Variants in RUVBL1 observed in about 807,000 individuals in gnomAD.
The protein encoded by RUVBL1 is ruvB-like 1.
A neutral mutation model predicts 52.4 loss-of-function variants in RUVBL1; 4 were observed. The observed-to-expected ratio is 0.08, with a 90% CI of 0.04 to 0.17. The LOEUF (loss-of-function observed/expected upper bound fraction) is 0.17. Ranked by LOEUF, RUVBL1 falls within the 10% of genes least tolerant of loss-of-function variation. The pLI is 1.00. For missense variants in RUVBL1, 298 were observed against 572.8 expected (o/e 0.52, Z 4.90); for synonymous variants, 217 against 214.4 (o/e 1.01, Z -0.10).
chr3:128,122,034 T>C (rs1430333745), intron 1 of RUVBL1, among the ~76,000 whole-genome samples: 3 of 152,178 alleles, frequency 2.0e-5, no homozygotes, highest in Admixed American at 6.5e-5. Flanking sequence ...GTAGCTGAGG[T>C]GGGTCTTAGG....
Position 128,082,465 on chromosome 3 carries a change from C to T in RUVBL1, c.1211+18G>A. ...GCTGTGCTGGGGAGGCCCCGGCGGGCCCAGGGTACCAGCTCACCTCAGTGT... is the reference window on the plus strand; with the variant it reads ...GCTGTGCTGGGGAGGCCCCGGCGGGTCCAGGGTACCAGCTCACCTCAGTGT... On this transcript the variant is annotated intron_variant, in intron 10 of 10. Transcript: ENST00000322623. The surrounding 1 kb of genome is among the most constrained non-coding windows in gnomAD (Gnocchi z 4.7). The T allele has an allele frequency of 6.2e-7, 1 of 1,606,202 alleles. No individual in the cohort carries two copies. Among genetic ancestry groups the T allele is most frequent in the Non-Finnish European group, 8.5e-7 (1 of 1,173,534 alleles).
At chr3:128,128,356 C>G (rs781672988), upstream of RUVBL1, among the ~76,000 whole-genome samples, 5 of 152,152 alleles carry the variant, frequency 3.3e-5, no homozygotes, top group African/African-American at 7.2e-5. Context: ...AACAGTGGAT[C>G]AAACAAGAGA....
At position 128,067,288 on chromosome 3, in the gene RUVBL1, T is replaced by C. The variant is rs1317003679; in HGVS notation, c.940-2068A>G. On this transcript the variant is annotated intron_variant, in intron 9 of 9. Coordinates refer to the RUVBL1 transcript ENST00000464873. This position sits in a 1 kb window ranked among gnomAD's most constrained non-coding sequence, Gnocchi z 4.1. Reference sequence around the variant, plus strand: ...TTTACAAATTCAGCACATTAAATTATCTTTTCAGTAAAAAAATTGTACTGT... The same window carrying C: ...TTTACAAATTCAGCACATTAAATTACCTTTTCAGTAAAAAAATTGTACTGT... 5.4e-6 allele frequency: 7 copies of C among 1,287,878 alleles called. No individual in the cohort carries two copies. The highest frequency in any genetic ancestry group is 6.5e-6 in the Non-Finnish European group (6 of 920,252). The allele number at this position is 1,287,878 out of a possible 1,614,324, so 79.8% of individuals were successfully genotyped here. A position where few individuals can be genotyped will look rare whatever the true frequency, so the allele number is the denominator to read the frequency against.
In RUVBL1 at chr3:128,100,573, C is replaced by A. The variant is rs1285009349; in HGVS notation, c.753+22G>T. On this transcript the variant is annotated intron_variant, in intron 6 of 10. Coordinates refer to ENST00000322623, the MANE Select transcript of RUVBL1 (RefSeq NM_003707.3). ...ATACAAAAGGGCTAATGTGCCAGAT[C>A]ACCCAGGCATCGAGGCAGTACCTGG... The A allele has an allele frequency of 2.5e-6, 4 of 1,571,928 alleles. No homozygotes were observed. The East Asian group carries it at 6.9e-5, about 27-fold the overall frequency.
chr3:128,153,105 GTTACAGAGCACTGATTGGTGCGTT>G (rs1944277480), intron 1 of RUVBL1: 6 of 526,042 alleles, frequency 1.1e-5, no homozygotes, highest in Non-Finnish European at 1.2e-5. Context: ...ATTGGTGCAT[GTTACAGAGCACTGATTGGTGCGTT>G]TTACAGAGCG....
intron 1 of RUVBL1, among the ~76,000 whole-genome samples, chr3:128,153,012 G>GC (rs1158538071): frequency 5.8e-5 from 4 of 68,462 alleles, no homozygotes; most frequent in East Asian, 6.9e-4. Flanking sequence ...GCCCCCCTTC[G>GC]CCCCCCCATG....
In RUVBL1 at chr3:128,066,915, G is replaced by A. The variant is rs79401806; in HGVS notation, c.940-1695C>T. On this transcript the variant is annotated intron_variant, in intron 9 of 9. Coordinates refer to the RUVBL1 transcript ENST00000464873. Reference sequence around the variant, plus strand: ...GTGTTTCTGTGCAGCAGGCTGAAATGAGGCAGTGAAGGGGATTTGGTTCTG... The same window carrying A: ...GTGTTTCTGTGCAGCAGGCTGAAATAAGGCAGTGAAGGGGATTTGGTTCTG... The A allele has an allele frequency of 4.9e-5, 78 of 1,603,938 alleles. No homozygotes were observed. The African/African-American group carries it at 6.9e-4, about 14-fold the overall frequency.
chr3:128,123,861 C>T (rs960259488), upstream of RUVBL1: 56 of 1,344,380 alleles, frequency 4.2e-5, no homozygotes, highest in Non-Finnish European at 4.6e-5. Flanking sequence ...TTGGTGGAAG[C>T]GGGAACACCT....
chr3:128,102,706 TAGG>T (rs1418656140), intron 4 of RUVBL1, among the ~76,000 whole-genome samples: 2 of 152,218 alleles, frequency 1.3e-5, no homozygotes, highest in African/African-American at 4.8e-5. Flanking sequence ...TGTAAATGAG[TAGG>T]AGGATTCTTT....
intron 9 of RUVBL1, chr3:128,066,569 C>G: frequency 4.8e-6 from 1 of 210,088 alleles, no homozygotes; most frequent in South Asian, 8.6e-5. Context: ...ACTACAGGCG[C>G]GCACCACCAC....
chr3:128,133,299 C>T (rs768656100), intron 1 of RUVBL1, among the ~76,000 whole-genome samples: 9 of 152,210 alleles, frequency 5.9e-5, no homozygotes, highest in African/African-American at 9.6e-5. Flanking sequence ...CTGGACCTGC[C>T]GTGGGCTGGG....
intron 2 of RUVBL1, among the ~76,000 whole-genome samples, chr3:128,118,415 T>C (rs1425579692): frequency 6.6e-6 from 1 of 152,212 alleles, no homozygotes; most frequent in African/African-American, 2.4e-5. Context: ...TTGAAATAGG[T>C]AGAGTATGCT....
exon 1 of RUVBL1, chr3:128,153,295 C>G (rs1944282864): frequency 7.4e-7 from 1 of 1,358,408 alleles, no homozygotes; most frequent in Non-Finnish European, 9.4e-7. Flanking sequence ...GAGAGAGAAA[C>G]CCTGCCTACG....
intron 9 of RUVBL1, among the ~76,000 whole-genome samples, chr3:128,073,933 T>TC (rs1412103511): frequency 6.6e-6 from 1 of 152,186 alleles, no homozygotes. Context: ...TAGAAGAATC[T>TC]CCAAGATATG....
intron 1 of RUVBL1, among the ~76,000 whole-genome samples, chr3:128,128,832 C>T (rs55762931): frequency 0.16 from 24,012 of 152,142 alleles, 2,306 homozygotes; most frequent in African/African-American, 0.27. Flanking sequence ...TCCTTGTATG[C>T]GACTCAAAGG....
At chr3:128,150,712 C>T (rs1160337950) in intron 1 of RUVBL1, among the ~76,000 whole-genome samples, 1 of 113,254 alleles carries the variant, frequency 8.8e-6, no homozygotes, top group Non-Finnish European at 1.7e-5. Flanking sequence ...TATATATATT[C>T]TATATATTAT....
Position 128,082,605 on chromosome 3 carries a change from T to G in RUVBL1, c.1120-31A>C. ...AAAGGATAAAAAACATGATCAACGG[T>G]GACTGACCTCAAGTGCCCCATTTCT... is the stretch of plus-strand genomic sequence containing the variant. On this transcript the variant is annotated intron_variant, in intron 9 of 10. Transcript: ENST00000322623. This position sits in a 1 kb window ranked among gnomAD's most constrained non-coding sequence, Gnocchi z 4.7. 6.5e-7 allele frequency: 1 copy of G among 1,540,044 alleles called. No homozygotes were observed. The highest frequency in any genetic ancestry group is 8.9e-7 in the Non-Finnish European group (1 of 1,118,156).
At chr3:128,126,201 TTGTGTGTGTGTGTG>T (rs10576695), upstream of RUVBL1, among the ~76,000 whole-genome samples, 40 of 147,618 alleles carry the variant, frequency 2.7e-4, no homozygotes, top group Admixed American at 2.1e-3. Context: ...AGTTGTTCCT[TTGTGTGTGTGTGTG>T]TGTGTGTGTG....
intron 2 of RUVBL1, among the ~76,000 whole-genome samples, chr3:128,118,475 T>C (rs535888243): frequency 1.2e-4 from 19 of 152,302 alleles, no homozygotes; most frequent in Admixed American, 1.2e-3. Context: ...AGCAAGTCAA[T>C]ACTAGAGCTG....
Sources: allele counts gnomAD v4.1 joint callset (sites outside exome capture counted in the v4.1 genomes callset), GRCh38; gene constraint gnomAD v4.1.1; non-coding constraint Gnocchi (gnomAD v3.1); transcripts MANE v1.5; gene names NCBI Gene and HGNC (gene_info 2026-07-23, HGNC 2026-07-21).